CYFIP1: variants seen among roughly 807,000 people sequenced by gnomAD.
The protein encoded by CYFIP1 is cytoplasmic FMR1 interacting protein 1.
CYFIP1 carries 58 observed loss-of-function variants against 163.5 expected under a neutral mutation model. That is an observed-to-expected ratio of 0.35 (90% confidence interval 0.29 to 0.44). The LOEUF (loss-of-function observed/expected upper bound fraction) is 0.44. CYFIP1 is among the 20% of genes least tolerant of loss of function. The pLI, the probability that CYFIP1 is intolerant of heterozygous loss-of-function variation, is 1.00. For missense variants in CYFIP1, 1,338 were observed against 1,653.8 expected, an observed-to-expected ratio of 0.81 and a Z score of 3.31; for synonymous variants, 663 against 660.7, an observed-to-expected ratio of 1.00 and a Z score of -0.05.
In CYFIP1 at chr15:22,926,109, T is replaced by C; in HGVS notation, c.1234-2A>G. ...GGGGTGCACAAGCTTCCAGGAATAC[T>C]GTGGTGGCCGAAAGAGCAGAGGTGT... On this transcript the variant is annotated splice_acceptor_variant, in intron 12 of 30. Coordinates refer to ENST00000617928, the MANE Select transcript of CYFIP1 (RefSeq NM_014608.6). LOFTEE classifies it high-confidence loss of function. The C allele has an allele frequency of 6.2e-7, 1 of 1,614,106 alleles. No individual in the cohort carries two copies. The highest frequency in any genetic ancestry group is 8.5e-7 in the Non-Finnish European group (1 of 1,179,980).
chr15:22,891,079 T>C (rs1312390982), intron 23 of CYFIP1, among the ~76,000 whole-genome samples: 2 of 148,632 alleles, frequency 1.3e-5, no homozygotes, highest in Non-Finnish European at 3.0e-5. Context: ...AGGATCTGAA[T>C]TGTATTTTTT....
intron 12 of CYFIP1, 93 bp downstream of exon 12, chr15:22,927,813 G>T: frequency 7.6e-7 from 1 of 1,311,742 alleles, no homozygotes; most frequent in Non-Finnish European, 1.0e-6. Context: ...TCTTTCTAGG[G>T]CCAAAGATAA....
In CYFIP1 at chr15:22,959,683, C is replaced by T. The variant is rs559028282; in HGVS notation, c.-6-12392G>A. Among the ~76,000 whole-genome samples, 49 of 152,304 alleles carry T rather than the reference C, an allele frequency of 3.2e-4. 2 individuals carry two copies. In the South Asian group the frequency reaches 9.3e-3, roughly 29 times the overall value. ...AGGAAAGGGAACTGGCTGCCACCCA[C>T]CTTGTCCCCCACCTTATCACTGTGC... On this transcript the variant is annotated intron_variant, in intron 1 of 30. Transcript: ENST00000617928.
intron 21 of CYFIP1, chr15:22,904,191 C>T (rs2060494105): frequency 2.0e-6 from 1 of 501,972 alleles, no homozygotes; most frequent in South Asian, 2.2e-5. Flanking sequence ...CCTGCTACTG[C>T]CACCCTTCCC....
At chr15:22,897,845 G>A (rs890840621) in intron 22 of CYFIP1, among the ~76,000 whole-genome samples, 1 of 152,156 alleles carries the variant, frequency 6.6e-6, no homozygotes, top group African/African-American at 2.4e-5. Context: ...TTGTGTGAAC[G>A]CTGAGAATCA....
In CYFIP1 at chr15:22,971,926, C is replaced by T. The variant is rs537799318; in HGVS notation, c.-7+8361G>A. Among the ~76,000 whole-genome samples the T allele has an allele frequency of 2.6e-5, 4 of 152,246 alleles. No homozygotes were observed. The East Asian group carries it at 7.7e-4, about 29-fold the overall frequency. ...AAGCAATCTACAAATTCAATGCAAT[C>T]TACAGGTTCAATGCAATCTACAGAT... On this transcript the variant is annotated intron_variant, in intron 1 of 30. Transcript: ENST00000617928.
Position 22,956,173 on chromosome 15 carries a change from C to T in CYFIP1, c.-6-8882G>A, listed in dbSNP as rs1308584706. ...AGTGAGCTGAGATCGCGCCACTGCA[C>T]TCCAGCCTGGGCGACAGAGTGAGAC... On this transcript the variant is annotated intron_variant, in intron 1 of 30. Transcript: ENST00000617928. Among the ~76,000 whole-genome samples, 8 of 152,210 alleles carry T rather than the reference C, an allele frequency of 5.3e-5. No homozygotes were observed. The East Asian group carries it at 1.2e-3, about 22-fold the overall frequency.
chr15:22,890,076 C>T (rs765793236), intron 23 of CYFIP1, among the ~76,000 whole-genome samples: 4 of 151,410 alleles, frequency 2.6e-5, no homozygotes, highest in South Asian at 2.1e-4. Context: ...CCAAGGTGGG[C>T]GGATCATTTG....
chr15:22,898,522 G>A (rs1399659897), intron 22 of CYFIP1, among the ~76,000 whole-genome samples: 1 of 152,108 alleles, frequency 6.6e-6, no homozygotes, highest in East Asian at 1.9e-4. Flanking sequence ...GTGTTTTACG[G>A]TGGTAAAAAT....
chr15:22,918,383 G>T lies in CYFIP1; in HGVS notation c.1526+309C>A, dbSNP rs2061066505. 1.3e-5 allele frequency among the ~76,000 whole-genome samples: 2 copies of T among 152,060 alleles called. 1 individual carries two copies. The highest frequency in any genetic ancestry group is 1.3e-4 in the Admixed American group (2 of 15,272). On this transcript the variant is annotated intron_variant, in intron 14 of 30. Coordinates refer to ENST00000617928, the MANE Select transcript of CYFIP1 (RefSeq NM_014608.6). ...GGAACACAGCCTCATCACCAACAGGGCTCCACCGTGCAGAGACCCCCATAA... is the reference window on the plus strand; with the variant it reads ...GGAACACAGCCTCATCACCAACAGGTCTCCACCGTGCAGAGACCCCCATAA...
intron 21 of CYFIP1, among the ~76,000 whole-genome samples, chr15:22,905,838 C>T (rs2060559903): frequency 6.6e-6 from 1 of 151,796 alleles, no homozygotes; most frequent in African/African-American, 2.4e-5. Context: ...CGGCTCACTG[C>T]AACCTCTGTC....
rs768582717 is a variant in CYFIP1 at position 22,937,114 on chromosome 15, T to TTGTCGATTTTGGA, written c.877_889dup (p.Lys297IlefsTer37). 6.2e-7 allele frequency: 1 copy of TTGTCGATTTTGGA among 1,600,754 alleles called. No individual in the cohort carries two copies. Among genetic ancestry groups the TTGTCGATTTTGGA allele is most frequent in the East Asian group, 2.2e-5 (1 of 44,818 alleles). ...AAACATGTAACTCACCTTGAAGTAC[T>TTGTCGATTTTGGA]TGTCGATTTTGGATAAGTTTATTCT... On this transcript the variant is annotated frameshift_variant, in exon 9 of 31. Coordinates refer to ENST00000617928, the MANE Select transcript of CYFIP1 (RefSeq NM_014608.6). LOFTEE classifies it high-confidence loss of function.
At chr15:22,902,016 G>A (rs2060409157) in intron 22 of CYFIP1, among the ~76,000 whole-genome samples, 1 of 152,200 alleles carries the variant, frequency 6.6e-6, no homozygotes, top group Non-Finnish European at 1.5e-5. Flanking sequence ...AGTGTCCCCA[G>A]GCACCAGGAG....
intron 9 of CYFIP1, among the ~76,000 whole-genome samples, chr15:22,934,173 CTTTCTT>C (rs2061629459): frequency 1.3e-5 from 1 of 76,306 alleles, no homozygotes; most frequent in Non-Finnish European, 2.5e-5. Flanking sequence ...CACTGCATTT[CTTTCTT>C]TTTTTTTTTT....
At chr15:22,966,450 C>T (rs1347288848) in intron 1 of CYFIP1, among the ~76,000 whole-genome samples, 4 of 151,134 alleles carry the variant, frequency 2.6e-5, no homozygotes, top group African/African-American at 7.3e-5. Context: ...AGGGAGAGGA[C>T]GGCCATCTGC....
chr15:22,937,956 G>GC (rs1327466663), intron 8 of CYFIP1, among the ~76,000 whole-genome samples: 1 of 152,108 alleles, frequency 6.6e-6, no homozygotes, highest in African/African-American at 2.4e-5. Flanking sequence ...CCAGTGCTCC[G>GC]CAGGGGCTCA....
intron 13 of CYFIP1, among the ~76,000 whole-genome samples, chr15:22,923,733 A>C (rs1420031874): frequency 6.6e-6 from 1 of 152,092 alleles, no homozygotes; most frequent in Non-Finnish European, 1.5e-5. Context: ...ACTTGAGCTC[A>C]GGAGTTCAAG....
chr15:22,913,637 T>C (rs116319833), intron 17 of CYFIP1, among the ~76,000 whole-genome samples: 3,177 of 77,490 alleles, frequency 0.041, 142 homozygotes, highest in African/African-American at 0.14. Context: ...AGAACAAAGG[T>C]GAAGGTCCTG....
At chr15:22,931,075 T>G (rs1039477384) in intron 11 of CYFIP1, among the ~76,000 whole-genome samples, 3 of 152,088 alleles carry the variant, frequency 2.0e-5, no homozygotes, top group African/African-American at 7.2e-5. Flanking sequence ...TCAGTTTGGT[T>G]ACATGATGAT....
Sources: gnomAD v4.1 joint callset for allele counts (sites outside exome capture counted in the v4.1 genomes callset) on GRCh38, gnomAD v4.1.1 for gene constraint, MANE v1.5 for transcripts, NCBI Gene and HGNC (gene_info 2026-07-23, HGNC 2026-07-21) for gene names.